GYS1: variants seen among roughly 807,000 people sequenced by gnomAD.
GYS1 encodes the protein glycogen [starch] synthase, muscle.
A neutral mutation model predicts 89.1 loss-of-function variants in GYS1; 60 were observed. The observed-to-expected ratio is 0.67, with a 90% CI of 0.55 to 0.84. The LOEUF (loss-of-function observed/expected upper bound fraction) is 0.84, where lower values mean the gene tolerates loss of function less well. Among genes scored for constraint, GYS1 ranks in the 40% least tolerant of loss-of-function variants. The probability of loss-of-function intolerance (pLI) is 0.00; values close to 1 mark genes in which losing one functional copy is unlikely to be tolerated. For synonymous variants in GYS1, 366 were observed against 401.7 expected (o/e 0.91, Z 1.06); for missense variants, 888 against 1,003.1 (o/e 0.89, Z 1.55).
rs2038930718 is a variant in GYS1 at position 48,991,634 on chromosome 19, G to C, written c.119-151C>G. 2.5e-6 allele frequency: 2 copies of C among 795,916 alleles called. No homozygotes were observed. Among genetic ancestry groups the C allele is most frequent in the East Asian group, 5.2e-5 (2 of 38,542 alleles). The allele number at this position is 795,916 out of a possible 1,614,324, so 49.3% of individuals were successfully genotyped here. ...ACTGGGAGCCCATAGTTTGGAGTAG[G>C]GGTTGGAAGCTTGGATGAGGGGAAC... On this transcript the variant is annotated intron_variant, in intron 1 of 15. Coordinates refer to ENST00000323798, the MANE Select transcript of GYS1 (RefSeq NM_002103.5). The surrounding 1 kb of genome is among the most constrained non-coding windows in gnomAD (Gnocchi z 4.7).
chr19:48,989,760 C>A (rs989955456), intron 2 of GYS1, among the ~76,000 whole-genome samples: 1 of 152,124 alleles, frequency 6.6e-6, no homozygotes, highest in South Asian at 2.1e-4. Flanking sequence ...ATCCTCTGTC[C>A]GTGCCCCAGG....
intron 2 of GYS1, among the ~76,000 whole-genome samples, chr19:48,990,206 C>T (rs935406081): frequency 4.1e-5 from 6 of 146,396 alleles, no homozygotes; most frequent in African/African-American, 1.1e-4. Context: ...TTAGCCCTGC[C>T]GCCTGATGGC....
In GYS1 at chr19:48,990,004, G is replaced by GC. The variant is rs199593098; in HGVS notation, c.300+1297_300+1298insG. ...CTGTTGTCTGCCCTTTTGCTGGGGGGGGGGGGGGGCTATTCTTAGGCCCCC... is the reference window on the plus strand; with the variant it reads ...CTGTTGTCTGCCCTTTTGCTGGGGGGCGGGGGGGGGCTATTCTTAGGCCCCC... On this transcript the variant is annotated intron_variant, in intron 2 of 15. Coordinates refer to ENST00000323798, the MANE Select transcript of GYS1 (RefSeq NM_002103.5). 2.5e-3 allele frequency among the ~76,000 whole-genome samples: 369 copies of GC among 149,330 alleles called. 9 individuals are homozygous for GC. Among genetic ancestry groups the GC allele is most frequent in the African/African-American group, 7.9e-3 (318 of 40,004 alleles).
intron 12 of GYS1, among the ~76,000 whole-genome samples, chr19:48,971,269 T>C (rs1197831556): frequency 6.6e-6 from 1 of 152,196 alleles, no homozygotes; most frequent in Non-Finnish European, 1.5e-5. Context: ...AGTTGGGAGA[T>C]AAGGATGCTA....
At chr19:48,969,661 G>A (rs2038523818) in intron 15 of GYS1, 50 bp from the exon 16 acceptor site, 1 of 1,570,612 alleles carries the variant, frequency 6.4e-7, no homozygotes, top group Admixed American at 1.7e-5. Flanking sequence ...GGACCTCACA[G>A]TCCCACCCAG....
rs745602065 is a variant in GYS1, at chr19:48,977,903, GCA to G, written c.1308+19_1308+20del. ...GGCTGCCAGGAACTGCTATCTCTCTGCACAGAGGTCCAATCCATACCTGCGTT... is the reference window on the plus strand; with the variant it reads ...GGCTGCCAGGAACTGCTATCTCTCTGCAGAGGTCCAATCCATACCTGCGTT... On this transcript the variant is annotated intron_variant, in intron 10 of 15. Coordinates refer to ENST00000323798, the MANE Select transcript of GYS1 (RefSeq NM_002103.5). 3.8e-6 allele frequency: 6 copies of G among 1,592,024 alleles called. No homozygotes were observed. Among genetic ancestry groups the G allele is most frequent in the Admixed American group, 1.7e-5 (1 of 59,998 alleles).
intron 12 of GYS1, among the ~76,000 whole-genome samples, chr19:48,972,350 C>A (rs563799416): frequency 2.9e-4 from 44 of 150,730 alleles, no homozygotes; most frequent in African/African-American, 8.0e-4. Context: ...AAAAAAAAAT[C>A]TTTTATAGAG....
chr19:48,974,527 G>C (rs1035558306), intron 11 of GYS1, 93 bp downstream of exon 11: 2 of 1,060,412 alleles, frequency 1.9e-6, no homozygotes, highest in African/African-American at 3.1e-5. Flanking sequence ...CAATACCTTT[G>C]ATAAAACTTA....
intron 10 of GYS1, among the ~76,000 whole-genome samples, chr19:48,975,614 T>G (rs762744288): frequency 6.7e-5 from 10 of 149,684 alleles, no homozygotes; most frequent in Non-Finnish European, 1.5e-4. Flanking sequence ...CTGCTGGGAG[T>G]TGTAGTTTCC....
In GYS1 at chr19:48,993,233, G is replaced by A. The variant is rs555914012; in HGVS notation, c.-121C>T. On this transcript the variant is annotated 5_prime_UTR_variant, in exon 1 of 16. Transcript: ENST00000323798. ...GTGCCCGACGGGAAGCTTGCAAGAC[G>A]CTCGGCTTCCTATTGCAAGACCGCA... 81 of 762,004 alleles carry A rather than the reference G, an allele frequency of 1.1e-4. 1 individual carries two copies. The African/African-American group carries it at 1.2e-3, about 11-fold the overall frequency. The allele number at this position is 762,004 out of a possible 1,614,324, so 47.2% of individuals were successfully genotyped here.
intron 12 of GYS1, among the ~76,000 whole-genome samples, chr19:48,972,285 A>G (rs1331464496): frequency 2.0e-5 from 3 of 151,720 alleles, no homozygotes; most frequent in Non-Finnish European, 4.4e-5. Context: ...CAGTGAGCCA[A>G]GACTGTGCCA....
chr19:48,970,120 C>A (rs760964043), intron 14 of GYS1, among the ~76,000 whole-genome samples: 20 of 152,108 alleles, frequency 1.3e-4, no homozygotes, highest in Non-Finnish European at 2.9e-4. Context: ...GAACGCCTGA[C>A]CAATGTTCTT....
intron 5 of GYS1, among the ~76,000 whole-genome samples, chr19:48,984,257 T>C (rs1383026349): frequency 2.0e-5 from 3 of 151,976 alleles, no homozygotes; most frequent in Non-Finnish European, 1.5e-5. Flanking sequence ...TCTGCCCACC[T>C]CAGCCTTCCA....
chr19:48,969,710 A>AC, intron 15 of GYS1, 65 bp downstream of exon 15: 1 of 1,578,530 alleles, frequency 6.3e-7, no homozygotes, highest in South Asian at 1.1e-5. Flanking sequence ...TCCAGGAGGG[A>AC]CCCCCACCCC....
intron 12 of GYS1, among the ~76,000 whole-genome samples, 159 bp downstream of exon 12, chr19:48,974,054 G>T (rs894998060): frequency 2.0e-5 from 3 of 152,218 alleles, no homozygotes; most frequent in Non-Finnish European, 4.4e-5. Context: ...ATGAGCTATT[G>T]TATCACAAAA....
chr19:48,982,936 T>C, intron 5 of GYS1, 99 bp from the exon 6 acceptor site: 2 of 932,332 alleles, frequency 2.1e-6, no homozygotes, highest in Non-Finnish European at 3.5e-6. Context: ...CCTTTTGCAA[T>C]TTTTTTGTTT....
rs746871295 is a variant in GYS1 at position 48,969,276 on chromosome 19, GGT to G, written c.*10_*11del. The G allele has an allele frequency of 1.2e-5, 19 of 1,533,680 alleles. No homozygotes were observed. The East Asian group carries it at 4.1e-4, about 33-fold the overall frequency. ...GAGAGGCAGGACAGGCGGGGAGTGT[GGT>G]GGGGCGGACTTAGTTACGCTCCTCG... On this transcript the variant is annotated 3_prime_UTR_variant, in exon 16 of 16. Transcript: ENST00000323798.
chr19:48,969,561 C>T lies in GYS1; in HGVS notation c.1941G>A (p.Ser647=), dbSNP rs773057098. Residue 647 remains serine, a synonymous_variant, in exon 16 of 16, where the codon TCG becomes TCA. Transcript: ENST00000323798. ...PRPASVPPSP[S]LSRHSSPHQS... ...GGTGCGGGCTGGAGTGTCGTGACAG[C>T]GAGGGCGACGGTGGCACCGAGGCTG... The T allele has an allele frequency of 1.3e-6, 2 of 1,539,292 alleles. No homozygotes were observed. Among genetic ancestry groups the T allele is most frequent in the South Asian group, 1.2e-5 (1 of 84,072 alleles).
chr19:48,990,833 C>T (rs779113859), intron 2 of GYS1, among the ~76,000 whole-genome samples: 12 of 152,190 alleles, frequency 7.9e-5, no homozygotes, highest in South Asian at 2.1e-4. Flanking sequence ...CTCGCTCCGT[C>T]GCCCAGGCTG....
Sources: allele counts gnomAD v4.1 joint callset (sites outside exome capture counted in the v4.1 genomes callset), GRCh38; gene constraint gnomAD v4.1.1; non-coding constraint Gnocchi (gnomAD v3.1); transcripts MANE v1.5; gene names NCBI Gene and HGNC (gene_info 2026-07-23, HGNC 2026-07-21).